The following HIPK2 variants were observed in gnomAD, a reference collection of about 807,000 sequenced individuals.
HIPK2 encodes homeodomain interacting protein kinase 2.
A neutral mutation model predicts 113.7 loss-of-function variants in HIPK2; 27 were observed. The ratio of observed to expected loss-of-function variants is 0.24; its 90% CI spans 0.17 to 0.33. HIPK2 has a LOEUF of 0.33. Ranked by LOEUF, HIPK2 falls within the 10% of genes least tolerant of loss-of-function variation. The pLI is 1.00. For synonymous variants in HIPK2, 631 were observed against 642.2 expected, an observed-to-expected ratio of 0.98 and a Z score of 0.26; for missense variants, 1,257 against 1,588.0, an observed-to-expected ratio of 0.79 and a Z score of 3.54.
chr7:139,717,715 T>A (rs546505259), intron 1 of HIPK2, among the ~76,000 whole-genome samples: 3 of 150,326 alleles, frequency 2.0e-5, no homozygotes, highest in Admixed American at 6.6e-5. Flanking sequence ...CTCTAGAAAG[T>A]ACTATTTCTT....
In HIPK2 at chr7:139,743,324, T is replaced by C. The variant is rs532183265; in HGVS notation, c.20-26309A>G. ...GTACAGTTCTCAGAATAGAGAAGAA[T>C]GTCCAGGTCAAAGGTTTCCTAGAAA... is the stretch of plus-strand genomic sequence containing the variant. On this transcript the variant is annotated intron_variant, in intron 1 of 14. Transcript: ENST00000406875. Among the ~76,000 whole-genome samples, 300 of 152,326 alleles carry C rather than the reference T, an allele frequency of 2.0e-3. 3 individuals are homozygous for C. The highest frequency in any genetic ancestry group is 1.2e-3 in the Non-Finnish European group (84 of 68,030).
chr7:139,674,855 G>A (rs1325033311), intron 2 of HIPK2, among the ~76,000 whole-genome samples: 1 of 152,148 alleles, frequency 6.6e-6, no homozygotes, highest in Non-Finnish European at 1.5e-5. Flanking sequence ...ATGTAAAAGA[G>A]GTGCCACATA....
chr7:139,699,832 G>A (rs982966842), intron 2 of HIPK2, among the ~76,000 whole-genome samples: 15 of 152,352 alleles, frequency 9.8e-5, no homozygotes, highest in Non-Finnish European at 1.9e-4. Flanking sequence ...CGCCAGGGGT[G>A]TGCGGAGTGA....
intron 1 of HIPK2, among the ~76,000 whole-genome samples, chr7:139,773,571 A>G (rs1796688846): frequency 6.6e-6 from 1 of 152,242 alleles, no homozygotes; most frequent in South Asian, 2.1e-4. Flanking sequence ...TTTGCTCCAC[A>G]CAAACCTCAA....
chr7:139,621,103 G>C (rs1459225194), intron 6 of HIPK2, among the ~76,000 whole-genome samples: 1 of 152,224 alleles, frequency 6.6e-6, no homozygotes, highest in East Asian at 1.9e-4. Context: ...CACAGGGGTT[G>C]TGCAGGTAGG....
chr7:139,667,729 G>C (rs1213052218), intron 2 of HIPK2, among the ~76,000 whole-genome samples: 2 of 152,142 alleles, frequency 1.3e-5, no homozygotes, highest in Non-Finnish European at 2.9e-5. Flanking sequence ...AAACATATTG[G>C]TTAATTTCCT....
At chr7:139,746,538 C>A (rs964491551) in intron 1 of HIPK2, among the ~76,000 whole-genome samples, 18 of 152,202 alleles carry the variant, frequency 1.2e-4, no homozygotes, top group African/African-American at 4.3e-4. Flanking sequence ...GGGCTTGGCA[C>A]ACTGTAGGCA....
At chr7:139,616,928 A>G (rs1171638175) in intron 7 of HIPK2, among the ~76,000 whole-genome samples, 3 of 152,102 alleles carry the variant, frequency 2.0e-5, no homozygotes, top group Non-Finnish European at 4.4e-5. Flanking sequence ...CACCATGGAG[A>G]CCATGAGCTC....
chr7:139,616,418 C>T (rs185838957), intron 7 of HIPK2, among the ~76,000 whole-genome samples: 3 of 152,276 alleles, frequency 2.0e-5, no homozygotes, highest in East Asian at 3.9e-4. Context: ...TGGTCTAGTG[C>T]CCTGTTTTCC....
intron 1 of HIPK2, among the ~76,000 whole-genome samples, chr7:139,731,193 A>G (rs1382553678): frequency 6.6e-6 from 1 of 152,254 alleles, no homozygotes; most frequent in African/African-American, 2.4e-5. Flanking sequence ...AGTATTTATA[A>G]CAATCGCAAA....
At chr7:139,606,995 C>G (rs1388117457) in intron 9 of HIPK2, among the ~76,000 whole-genome samples, 2 of 152,162 alleles carry the variant, frequency 1.3e-5, no homozygotes, top group Non-Finnish European at 2.9e-5. Context: ...AATGCCTTTA[C>G]AGAGTTAAAA....
rs955334988 is a variant in HIPK2, at chr7:139,613,189, G to C, written c.2112+13C>G. On this transcript the variant is annotated intron_variant, in intron 9 of 14. Transcript: ENST00000406875. The surrounding 1 kb of genome is among the most constrained non-coding windows in gnomAD (Gnocchi z 4.2). ...AATGGTAATACCAGTAATAATAAAG[G>C]AGAAAGAATTACCTGGGCAAGCAGA... is the stretch of plus-strand genomic sequence containing the variant. The C allele has an allele frequency of 1.2e-6, 2 of 1,613,386 alleles. No homozygotes were observed. Among genetic ancestry groups the C allele is most frequent in the Non-Finnish European group, 1.7e-6 (2 of 1,179,638 alleles).
At chr7:139,694,908 G>T (rs1794520285) in intron 2 of HIPK2, among the ~76,000 whole-genome samples, 1 of 152,162 alleles carries the variant, frequency 6.6e-6, no homozygotes. Context: ...GTCAAACAAG[G>T]AATATCCTGC....
chr7:139,714,302 C>T lies in HIPK2; in HGVS notation c.1103+1630G>A, dbSNP rs1040090429. Among the ~76,000 whole-genome samples, 4 of 152,126 alleles carry T rather than the reference C, an allele frequency of 2.6e-5. No individual in the cohort carries two copies. Among genetic ancestry groups the T allele is most frequent in the Non-Finnish European group, 4.4e-5 (3 of 68,032 alleles). ...AGAAACAGCATGGGTGAAGAGGCCT[C>T]GAAACCTCCTGTGTGAGTCAGGATT... On this transcript the variant is annotated intron_variant, in intron 2 of 14. Transcript: ENST00000406875. The surrounding 1 kb of genome is among the most constrained non-coding windows in gnomAD (Gnocchi z 4.2).
intron 1 of HIPK2, among the ~76,000 whole-genome samples, chr7:139,742,325 G>GA (rs1164521638): frequency 3.9e-5 from 6 of 152,216 alleles, no homozygotes; most frequent in African/African-American, 9.6e-5. Flanking sequence ...TATTTATTAT[G>GA]AAAAAAGAAG....
chr7:139,654,135 G>A (rs747825578), intron 2 of HIPK2, among the ~76,000 whole-genome samples: 2 of 152,190 alleles, frequency 1.3e-5, no homozygotes, highest in Non-Finnish European at 2.9e-5. Flanking sequence ...GGGCTGCCAG[G>A]CCCCTGTTCC....
intron 2 of HIPK2, among the ~76,000 whole-genome samples, chr7:139,684,678 A>G (rs940076917): frequency 1.1e-4 from 16 of 152,180 alleles, no homozygotes; most frequent in Admixed American, 9.2e-4. Context: ...GATTGCACCA[A>G]TGCACTCCAG....
intron 2 of HIPK2, among the ~76,000 whole-genome samples, chr7:139,711,883 C>T (rs1189012612): frequency 2.0e-5 from 3 of 152,212 alleles, no homozygotes; most frequent in Admixed American, 6.5e-5. Flanking sequence ...GGTGTCAACA[C>T]CTGAAAGGTG....
chr7:139,754,648 T>TA (rs1261729624), intron 1 of HIPK2, among the ~76,000 whole-genome samples: 1 of 152,192 alleles, frequency 6.6e-6, no homozygotes. Flanking sequence ...GAACAATAAT[T>TA]AGTTTGTGAA....
Sources: gnomAD v4.1 joint callset for allele counts (sites outside exome capture counted in the v4.1 genomes callset) on GRCh38, gnomAD v4.1.1 for gene constraint, Gnocchi (gnomAD v3.1) non-coding constraint, MANE v1.5 for transcripts, NCBI Gene and HGNC (gene_info 2026-07-23, HGNC 2026-07-21) for gene names.